Variants in RPL10A observed in about 807,000 individuals in gnomAD.
RPL10A encodes the protein ribosomal protein L10a.
In RPL10A, 11 loss-of-function variants were observed where a neutral mutation model predicts 24.6. That is an observed-to-expected ratio of 0.45 (90% CI 0.28 to 0.74). RPL10A has a LOEUF of 0.74. Among genes scored for constraint, RPL10A ranks in the 30% least tolerant of loss-of-function variants. The pLI, the probability that RPL10A is intolerant of heterozygous loss-of-function variation, is 0.13. For missense variants in RPL10A, 136 were observed against 273.1 expected (o/e 0.50, Z 3.54); for synonymous variants, 98 against 108.5 (o/e 0.90, Z 0.60).
chr6:35,468,826 C>T lies in RPL10A; in HGVS notation c.33C>T (p.Tyr11=). 6.2e-7 allele frequency: 1 copy of T among 1,609,522 alleles called. No individual in the cohort carries two copies. The highest frequency in any genetic ancestry group is 1.1e-5 in the South Asian group (1 of 90,316). MSSKVSRDTL[Y]EAVREVLHGN... ...GCAAAGTCTCTCGCGACACCCTGTA[C>T]GAGGCGGTGCGGGAAGTCCTGCACG... is the stretch of plus-strand genomic sequence containing the variant. Residue 11 remains tyrosine (Y), a synonymous_variant, in exon 2 of 6, where the codon TAC becomes TAT. Transcript: ENST00000322203.
rs1767911139 is a variant in RPL10A, at chr6:35,468,493, GC to G, written c.5+56del. 4 of 1,611,582 alleles carry G rather than the reference GC, an allele frequency of 2.5e-6. No individual in the cohort carries two copies. The African/African-American group carries it at 4.1e-5, about 16-fold the overall frequency. ...GTTCATCCGCGCCTTCAGGTGCCCC[GC>G]CGAGGGTTCGGATCCTGTAGGCCGC... On this transcript the variant is annotated intron_variant, in intron 1 of 5. Coordinates refer to ENST00000322203, the MANE Select transcript of RPL10A (RefSeq NM_007104.5).
At position 35,468,517 on chromosome 6, in the gene RPL10A, C is replaced by CGCGCCGCGGACCCTTGCGCCACCT. The variant is rs45604031; in HGVS notation, c.5+88_5+111dup. ...CGCCGAGGGTTCGGATCCTGTAGGCCGCGCCGCGGACCCTTGCGCCACCTG... is the reference window on the plus strand; with the variant it reads ...CGCCGAGGGTTCGGATCCTGTAGGCCGCGCCGCGGACCCTTGCGCCACCTGCGCCGCGGACCCTTGCGCCACCTG... On this transcript the variant is annotated intron_variant, in intron 1 of 5. Coordinates refer to ENST00000322203, the MANE Select transcript of RPL10A (RefSeq NM_007104.5). The CGCGCCGCGGACCCTTGCGCCACCT allele has an allele frequency of 2.4e-4, 380 of 1,611,678 alleles. No homozygotes were observed. The African/African-American group carries it at 2.6e-3, about 11-fold the overall frequency.
At chr6:35,468,521 C>T in intron 1 of RPL10A, 82 bp downstream of exon 1, 1 of 1,611,316 alleles carries the variant, frequency 6.2e-7, no homozygotes, top group Non-Finnish European at 8.5e-7. Flanking sequence ...GTAGGCCGCG[C>T]CGCGGACCCT....
intron 4 of RPL10A, among the ~76,000 whole-genome samples, chr6:35,469,920 G>A (rs1051630799): frequency 4.0e-4 from 61 of 152,146 alleles, no homozygotes; most frequent in African/African-American, 1.4e-3. Flanking sequence ...CTTGACCAGA[G>A]CATCCGTTGT....
rs746504949 is a variant in RPL10A, at chr6:35,470,398, C to A, written c.483+47C>A. The stretch of plus-strand genomic sequence containing the variant: ...CTATGGGTGAAGGTGTTGGCAGGGT[C>A]TAAATCTTATCCAAGTCTCTAAATA... On this transcript the variant is annotated intron_variant, in intron 5 of 5. Coordinates refer to ENST00000322203, the MANE Select transcript of RPL10A (RefSeq NM_007104.5). This position sits in a 1 kb window ranked among gnomAD's most constrained non-coding sequence, Gnocchi z 4.6. 15 of 1,572,604 alleles carry A rather than the reference C, an allele frequency of 9.5e-6. No individual in the cohort carries two copies. In the Admixed American group the frequency reaches 1.2e-4, roughly 13 times the overall value.
intron 4 of RPL10A, among the ~76,000 whole-genome samples, chr6:35,469,903 A>G (rs1174681939): frequency 6.6e-6 from 1 of 152,200 alleles, no homozygotes; most frequent in Non-Finnish European, 1.5e-5. Flanking sequence ...ATTCGAGCCC[A>G]GGCAGTCTTG....
Position 35,470,146 on chromosome 6 carries a change from T to A in RPL10A, c.311-33T>A. On this transcript the variant is annotated intron_variant, in intron 4 of 5. Transcript: ENST00000322203. This position sits in a 1 kb window ranked among gnomAD's most constrained non-coding sequence, Gnocchi z 4.6. ...GAGGTGTGCCTTGGTGACCAGGTTC[T>A]AAGCAATGCCAATGGCTTCCTCTCT... 6.2e-7 allele frequency: 1 copy of A among 1,600,980 alleles called. No individual in the cohort carries two copies. The highest frequency in any genetic ancestry group is 8.5e-7 in the Non-Finnish European group (1 of 1,170,890).
rs779441006 is a variant in RPL10A, at chr6:35,468,462, A to G, written c.5+23A>G. 19 of 1,613,894 alleles carry G rather than the reference A, an allele frequency of 1.2e-5. No homozygotes were observed. The South Asian group carries it at 1.4e-4, about 12-fold the overall frequency. On this transcript the variant is annotated intron_variant, in intron 1 of 5. Transcript: ENST00000322203. ...GAGGTGAGTTGGTCCTGAAAGCCCT[A>G]TCCGCGTTCATCCGCGCCTTCAGGT...
At position 35,470,665 on chromosome 6, in the gene RPL10A, T is replaced by C. The variant is rs1355365592; in HGVS notation, c.569T>C (p.Leu190Ser). Residue 190 changes from leucine to serine, a missense_variant, in exon 6 of 6, where the codon TTG becomes TCG. By Grantham distance (145) the Leu-to-Ser change is moderately radical (BLOSUM62 -2). Coordinates refer to ENST00000322203, the MANE Select transcript of RPL10A (RefSeq NM_007104.5). This position sits in a 1 kb window ranked among gnomAD's most constrained non-coding sequence, Gnocchi z 4.6. ...VYNIHLAVNF[L>S]VSLLKKNWQN... is the part of the protein sequence containing the mutation. ...AACATTCACCTGGCTGTCAACTTCTTGGTGTCATTGCTCAAGAAAAACTGG... is the reference window on the plus strand; with the variant it reads ...AACATTCACCTGGCTGTCAACTTCTCGGTGTCATTGCTCAAGAAAAACTGG... 2 of 1,613,124 alleles carry C rather than the reference T, an allele frequency of 1.2e-6. No homozygotes were observed. The highest frequency in any genetic ancestry group is 1.7e-5 in the Admixed American group (1 of 60,008).
Position 35,468,882 on chromosome 6 carries a change from C to A in RPL10A, c.80+9C>A. On this transcript the variant is annotated intron_variant, in intron 2 of 5. Transcript: ENST00000322203. The stretch of plus-strand genomic sequence containing the variant: ...CAGCGCAAGCGCCGCAAGTGAGTGC[C>A]GACCCTGGGGCACGGCGCGGGTGGC... 6.2e-7 allele frequency: 1 copy of A among 1,612,990 alleles called. No homozygotes were observed. Among genetic ancestry groups the A allele is most frequent in the South Asian group, 1.1e-5 (1 of 90,942 alleles).
At position 35,469,657 on chromosome 6, in the gene RPL10A, G is replaced by T. The variant is rs866033714; in HGVS notation, c.310+128G>T. On this transcript the variant is annotated intron_variant, in intron 4 of 5. Coordinates refer to ENST00000322203, the MANE Select transcript of RPL10A (RefSeq NM_007104.5). ...GCAAAGGATCGGCGGTGGTTGCCTA[G>T]CTTGCCTGAGTGCTGTTTTAGCTTT... 43 of 1,103,806 alleles carry T rather than the reference G, an allele frequency of 3.9e-5. No individual in the cohort carries two copies. In the African/African-American group the frequency reaches 5.2e-4, roughly 13 times the overall value. The allele number at this position is 1,103,806 out of a possible 1,614,324, so 68.4% of individuals were successfully genotyped here. A position where few individuals can be genotyped will look rare whatever the true frequency, so the allele number is the denominator to read the frequency against.
At chr6:35,469,238 G>T (rs1263000809) in intron 3 of RPL10A, 143 bp from the exon 4 acceptor site, 1 of 1,489,488 alleles carries the variant, frequency 6.7e-7, no homozygotes, top group Non-Finnish European at 8.9e-7. Flanking sequence ...GAGCCCGCCG[G>T]CCAGCCTGAG....
chr6:35,468,881 C>T lies in RPL10A; in HGVS notation c.80+8C>T, dbSNP rs1215213993. The T allele has an allele frequency of 1.2e-6, 2 of 1,612,670 alleles. No individual in the cohort carries two copies. Among genetic ancestry groups the T allele is most frequent in the Non-Finnish European group, 8.5e-7 (1 of 1,179,390 alleles). On this transcript the variant is annotated splice_region_variant and intron_variant, in intron 2 of 5. Coordinates refer to ENST00000322203, the MANE Select transcript of RPL10A (RefSeq NM_007104.5). ...CCAGCGCAAGCGCCGCAAGTGAGTG[C>T]CGACCCTGGGGCACGGCGCGGGTGG...
At position 35,469,508 on chromosome 6, in the gene RPL10A, A is replaced by T; in HGVS notation, c.289A>T (p.Lys97Ter). 1.2e-6 allele frequency: 2 copies of T among 1,613,940 alleles called. No individual in the cohort carries two copies. Among genetic ancestry groups the T allele is most frequent in the Non-Finnish European group, 1.7e-6 (2 of 1,179,924 alleles). The change falls in exon 4 of 6, where the codon AAA becomes TAA. Residue 97 changes from lysine to a stop codon, truncating the protein, a stop_gained. Transcript: ENST00000322203. LOFTEE classifies it high-confidence loss of function. ...IEALKKLNKN[K>*]KLVKKLAKKY... ...GGCGCTGAAAAAACTCAACAAGAAT[A>T]AAAAACTGGTCAAGAAGCTGGGTGA...
chr6:35,470,165 CCTCT>C lies in RPL10A; in HGVS notation c.311-9_311-6del, dbSNP rs746622532. The C allele has an allele frequency of 2.8e-4, 451 of 1,609,246 alleles. 2 individuals carry two copies. The highest frequency in any genetic ancestry group is 2.0e-3 in the South Asian group (183 of 90,752). On this transcript the variant is annotated splice_polypyrimidine_tract_variant and intron_variant, in intron 4 of 5. Transcript: ENST00000322203. This position sits in a 1 kb window ranked among gnomAD's most constrained non-coding sequence, Gnocchi z 4.6. Reference sequence around the variant, plus strand: ...AGGTTCTAAGCAATGCCAATGGCTTCCTCTCTCTATCAGCCAAGAAGTATGATGC... The same window carrying C: ...AGGTTCTAAGCAATGCCAATGGCTTCCTCTATCAGCCAAGAAGTATGATGC...
In RPL10A at chr6:35,468,669, T is replaced by G. The variant is rs1397927818; in HGVS notation, c.6-130T>G. 8 of 1,517,298 alleles carry G rather than the reference T, an allele frequency of 5.3e-6. No homozygotes were observed. The African/African-American group carries it at 8.3e-5, about 16-fold the overall frequency. The allele number at this position is 1,517,298 out of a possible 1,614,324, so 94.0% of individuals were successfully genotyped here. The stretch of plus-strand genomic sequence containing the variant: ...TCTGAGCTCCCGTCGCTCTACTTGG[T>G]GTCCGGAATCTACGGGGGAGTCCGC... On this transcript the variant is annotated intron_variant, in intron 1 of 5. Coordinates refer to ENST00000322203, the MANE Select transcript of RPL10A (RefSeq NM_007104.5).
Position 35,468,450 on chromosome 6 carries a change from C to T in RPL10A, c.5+11C>T, listed in dbSNP as rs377147414. On this transcript the variant is annotated intron_variant, in intron 1 of 5. Transcript: ENST00000322203. The stretch of plus-strand genomic sequence containing the variant: ...GTGAGAAGCCATGAGGTGAGTTGGT[C>T]CTGAAAGCCCTATCCGCGTTCATCC... 3.1e-6 allele frequency: 5 copies of T among 1,613,916 alleles called. No individual in the cohort carries two copies. Among genetic ancestry groups the T allele is most frequent in the African/African-American group, 2.7e-5 (2 of 74,938 alleles).
chr6:35,470,046 C>T lies in RPL10A; in HGVS notation c.311-133C>T, dbSNP rs373466737. The T allele has an allele frequency of 4.9e-4, 373 of 758,352 alleles. 1 individual carries two copies. In the African/African-American group the frequency reaches 5.8e-3, roughly 12 times the overall value. 47.0% of individuals were successfully genotyped at this position (758,352 alleles called of 1,614,324 possible). On this transcript the variant is annotated intron_variant, in intron 4 of 5. Transcript: ENST00000322203. The surrounding 1 kb of genome is among the most constrained non-coding windows in gnomAD (Gnocchi z 4.6). ...GTTTGGGCTAGGGAAAAGACTGAGG[C>T]GGGGTCTTAGAGAGGGTGCTGCTTG...
chr6:35,469,902 C>T (rs2150907913), intron 4 of RPL10A, among the ~76,000 whole-genome samples: 1 of 152,224 alleles, frequency 6.6e-6, no homozygotes, highest in South Asian at 2.1e-4. Context: ...AATTCGAGCC[C>T]AGGCAGTCTT....
Sources: allele counts gnomAD v4.1 joint callset (sites outside exome capture counted in the v4.1 genomes callset), GRCh38; gene constraint gnomAD v4.1.1; non-coding constraint Gnocchi (gnomAD v3.1); transcripts MANE v1.5; gene names NCBI Gene and HGNC (gene_info 2026-07-23, HGNC 2026-07-21).